The following SUGCT variants were observed in gnomAD, a reference collection of about 807,000 sequenced individuals.
The protein encoded by SUGCT is succinyl-CoA:glutarate CoA-transferase.
Under a neutral mutation model 55.0 loss-of-function variants are expected in SUGCT, and 41 were observed. The ratio of observed to expected loss-of-function variants is 0.74; its 90% CI spans 0.58 to 0.97. The LOEUF is 0.97. SUGCT is among the 50% of genes least tolerant of loss of function. The probability of loss-of-function intolerance (pLI) is 0.00; values close to 1 mark genes in which losing one functional copy is unlikely to be tolerated. For missense variants in SUGCT, 568 were observed against 547.8 expected, an observed-to-expected ratio of 1.04 and a Z score of -0.37; for synonymous variants, 187 against 200.4, an observed-to-expected ratio of 0.93 and a Z score of 0.56.
intron 1 of SUGCT, among the ~76,000 whole-genome samples, chr7:40,141,562 A>G (rs555906598): frequency 6.7e-6 from 1 of 148,768 alleles, no homozygotes; most frequent in South Asian, 2.1e-4. Flanking sequence ...TGAACCCAGG[A>G]GTGGGAGGCT....
At position 40,551,429 on chromosome 7, in the gene SUGCT, A is replaced by G. The variant is rs1442516443; in HGVS notation, c.1089+55043A>G. Among the ~76,000 whole-genome samples the G allele has an allele frequency of 4.6e-5, 7 of 152,358 alleles. No homozygotes were observed. The East Asian group carries it at 1.3e-3, about 29-fold the overall frequency. On this transcript the variant is annotated intron_variant, in intron 12 of 13. Transcript: ENST00000335693. Reference sequence around the variant, plus strand: ...TCAACCTATACTCACATATAACTTTAAAACATCTTTAAGCTGTCTTTCAAA... The same window carrying G: ...TCAACCTATACTCACATATAACTTTGAAACATCTTTAAGCTGTCTTTCAAA...
chr7:40,989,807 C>T, the SUGCT span, among the ~76,000 whole-genome samples: 3 of 152,050 alleles, frequency 2.0e-5, no homozygotes, highest in Non-Finnish European at 4.4e-5. Context: ...AGCAACTCCT[C>T]ATTCGCTCAA....
chr7:40,412,135 G>A (rs1042523542), intron 9 of SUGCT, among the ~76,000 whole-genome samples: 1 of 152,134 alleles, frequency 6.6e-6, no homozygotes. Context: ...AGGCTGCCAG[G>A]GTGGTTTCCT....
intron 1 of SUGCT, among the ~76,000 whole-genome samples, chr7:40,163,831 T>A: frequency 6.6e-6 from 1 of 151,850 alleles, no homozygotes; most frequent in East Asian, 1.9e-4. Flanking sequence ...TGAATTTTTT[T>A]TTTTTTTTTA....
At chr7:41,014,548 G>A in the SUGCT span, among the ~76,000 whole-genome samples, 50 of 152,264 alleles carry the variant, frequency 3.3e-4, no homozygotes, top group East Asian at 9.7e-4. Flanking sequence ...TAAAAGACTC[G>A]CAGTCCCTCG....
intron 12 of SUGCT, among the ~76,000 whole-genome samples, chr7:40,682,715 C>A (rs180708286): frequency 6.6e-6 from 1 of 152,132 alleles, no homozygotes; most frequent in East Asian, 1.9e-4. Context: ...GACTCCCTCC[C>A]ATCCCCTCCC....
rs574822213 is a variant in SUGCT, at chr7:40,804,371, GTCTC to G, written c.1153+54878_1153+54881del. Reference sequence around the variant, plus strand: ...ACTTGGGACTTGTTAATTAACTGCAGTCTCTCTAACATTTAGAAAAGTACCTGAC... The same window carrying G: ...ACTTGGGACTTGTTAATTAACTGCAGTCTAACATTTAGAAAAGTACCTGAC... On this transcript the variant is annotated intron_variant, in intron 13 of 13. Coordinates refer to ENST00000335693, the MANE Select transcript of SUGCT (RefSeq NM_001193313.2). Among the ~76,000 whole-genome samples, 261 of 152,230 alleles carry G rather than the reference GTCTC, an allele frequency of 1.7e-3. 2 individuals carry two copies. Among genetic ancestry groups the G allele is most frequent in the African/African-American group, 6.1e-3 (253 of 41,522 alleles).
intron 12 of SUGCT, among the ~76,000 whole-genome samples, chr7:40,744,263 G>T (rs760834775): frequency 9.9e-5 from 15 of 152,148 alleles, no homozygotes; most frequent in Non-Finnish European, 1.9e-4. Flanking sequence ...CTACTTAAAT[G>T]CCTTGCCCAA....
chr7:41,009,201 C>CCAA, the SUGCT span, among the ~76,000 whole-genome samples: 1 of 119,976 alleles, frequency 8.3e-6, no homozygotes, highest in African/African-American at 3.3e-5. Flanking sequence ...GTGACAATGT[C>CCAA]TCTCTCTAAA....
At chr7:40,376,177 A>C (rs751040966) in intron 9 of SUGCT, among the ~76,000 whole-genome samples, 3 of 152,166 alleles carry the variant, frequency 2.0e-5, no homozygotes, top group Non-Finnish European at 2.9e-5. Context: ...CTATGAAGGG[A>C]AGGTAAAATA....
chr7:40,338,073 G>A lies in SUGCT; in HGVS notation c.816+21218G>A, dbSNP rs189418187. On this transcript the variant is annotated intron_variant, in intron 9 of 13. Transcript: ENST00000335693. ...CTTTTCTTTAAGAATGTTGAATATT[G>A]GCCCCCACTCTCTTCTGGCTTGTAG... Among the ~76,000 whole-genome samples the A allele has an allele frequency of 5.1e-3, 783 of 152,146 alleles. 7 individuals carry two copies. Among genetic ancestry groups the A allele is most frequent in the African/African-American group, 0.017 (725 of 41,500 alleles).
intron 9 of SUGCT, among the ~76,000 whole-genome samples, chr7:40,447,514 A>G (rs1788906714): frequency 6.6e-6 from 1 of 152,036 alleles, no homozygotes; most frequent in Admixed American, 6.6e-5. Context: ...GACAGAGGTC[A>G]CTAGAATGTG....
chr7:40,869,343 T>C, the SUGCT span, among the ~76,000 whole-genome samples: 6 of 152,176 alleles, frequency 3.9e-5, no homozygotes, highest in Non-Finnish European at 8.8e-5. Flanking sequence ...AGTAGTCACA[T>C]GGCAAGGAAT....
chr7:40,828,771 G>C (rs1792495746), intron 13 of SUGCT, among the ~76,000 whole-genome samples: 1 of 152,058 alleles, frequency 6.6e-6, no homozygotes, highest in Non-Finnish European at 1.5e-5. Flanking sequence ...TAATGGTAAA[G>C]ACCACCTCCA....
the SUGCT span, among the ~76,000 whole-genome samples, chr7:40,946,372 G>A: frequency 1.3e-5 from 2 of 152,146 alleles, no homozygotes; most frequent in East Asian, 3.9e-4. Context: ...CTCTGCACAT[G>A]TGGATACAAG....
chr7:40,438,435 G>C (rs577165152), intron 9 of SUGCT, among the ~76,000 whole-genome samples: 1 of 152,282 alleles, frequency 6.6e-6, no homozygotes, highest in South Asian at 2.1e-4. Flanking sequence ...CTCTCCAGGA[G>C]AGGAGGTTTC....
chr7:40,952,902 A>C, the SUGCT span, among the ~76,000 whole-genome samples: 1 of 151,982 alleles, frequency 6.6e-6, no homozygotes, highest in African/African-American at 2.4e-5. Context: ...CCTTCATTTC[A>C]ACTTTGGTGA....
chr7:40,898,820 G>A, the SUGCT span, among the ~76,000 whole-genome samples: 3 of 152,150 alleles, frequency 2.0e-5, no homozygotes, highest in Non-Finnish European at 4.4e-5. Flanking sequence ...AATACTCGGT[G>A]AGGCTTTTGG....
chr7:40,572,283 G>A (rs1796492474), intron 12 of SUGCT, among the ~76,000 whole-genome samples: 1 of 152,164 alleles, frequency 6.6e-6, no homozygotes, highest in South Asian at 2.1e-4. Flanking sequence ...TGGTGTGGCA[G>A]CAAGGAAAAT....
Sources: allele counts gnomAD v4.1 joint callset (sites outside exome capture counted in the v4.1 genomes callset), GRCh38; gene constraint gnomAD v4.1.1; transcripts MANE v1.5; gene names NCBI Gene and HGNC (gene_info 2026-07-23, HGNC 2026-07-21).